The following PRR5L variants were observed in gnomAD, a reference collection of about 807,000 sequenced individuals.
The protein encoded by PRR5L is proline rich 5 like.
Under a neutral mutation model 36.4 loss-of-function variants are expected in PRR5L, and 21 were observed. The observed-to-expected ratio is 0.58, with a 90% CI of 0.41 to 0.83. PRR5L has a LOEUF of 0.83. PRR5L is among the 40% of genes least tolerant of loss of function. The probability of loss-of-function intolerance (pLI) is 0.00; values close to 1 mark genes in which losing one functional copy is unlikely to be tolerated. For synonymous variants in PRR5L, 188 were observed against 197.0 expected (o/e 0.95, Z 0.38); for missense variants, 381 against 473.3 (o/e 0.80, Z 1.81).
chr11:36,373,034 G>A (rs1223124388), intron 1 of PRR5L, among the ~76,000 whole-genome samples: 1 of 151,316 alleles, frequency 6.6e-6, no homozygotes, highest in Non-Finnish European at 1.5e-5. Flanking sequence ...TAATCTTACT[G>A]GTGAAGTGTA....
chr11:36,385,125 C>T (rs1474095161), intron 1 of PRR5L, among the ~76,000 whole-genome samples: 6 of 152,220 alleles, frequency 3.9e-5, no homozygotes, highest in Non-Finnish European at 8.8e-5. Flanking sequence ...TTTGACTACT[C>T]TTTCACTCAC....
Position 36,388,698 on chromosome 11 carries a change from C to CT in PRR5L, c.-125-12281dup, listed in dbSNP as rs36056659. On this transcript the variant is annotated intron_variant, in intron 1 of 8. Coordinates refer to ENST00000530639, the MANE Select transcript of PRR5L (RefSeq NM_001160167.2). ...TTCATTCAAGGTCGGCTCTTTCTTT[C>CT]TTTTTTTTTTTTTTTTTTGAGACGG... Among the ~76,000 whole-genome samples the CT allele has an allele frequency of 5.1e-3, 561 of 109,104 alleles. 4 individuals carry two copies. Among genetic ancestry groups the CT allele is most frequent in the African/African-American group, 0.011 (281 of 24,982 alleles). 71.6% of individuals were successfully genotyped at this position (109,104 alleles called of 152,430 possible). A position where few individuals can be genotyped will look rare whatever the true frequency, so the allele number is the denominator to read the frequency against.
intron 3 of PRR5L, among the ~76,000 whole-genome samples, chr11:36,417,590 CAG>C (rs1564942652): frequency 6.6e-6 from 1 of 152,236 alleles, no homozygotes; most frequent in Admixed American, 6.5e-5. Flanking sequence ...GCATCCACAA[CAG>C]ACAAATATTC....
At chr11:36,367,994 G>A (rs575969224) in intron 1 of PRR5L, among the ~76,000 whole-genome samples, 1 of 152,016 alleles carries the variant, frequency 6.6e-6, no homozygotes, top group East Asian at 1.9e-4. Context: ...GAGAATGACC[G>A]TGAAAGATGG....
At chr11:36,324,778 A>C (rs959301314) in intron 1 of PRR5L, among the ~76,000 whole-genome samples, 8 of 152,192 alleles carry the variant, frequency 5.3e-5, no homozygotes, top group African/African-American at 1.9e-4. Flanking sequence ...GTAGAAAATA[A>C]GTCATCTATA....
intron 1 of PRR5L, among the ~76,000 whole-genome samples, chr11:36,314,265 A>C (rs1352831313): frequency 6.6e-6 from 1 of 152,106 alleles, no homozygotes; most frequent in Non-Finnish European, 1.5e-5. Context: ...CTTGGATGGG[A>C]GGACAGCTGG....
intron 3 of PRR5L, among the ~76,000 whole-genome samples, chr11:36,415,144 G>A (rs1233572299): frequency 6.6e-6 from 1 of 152,030 alleles, no homozygotes; most frequent in East Asian, 1.9e-4. Context: ...GTCAGGTAGT[G>A]TGATGCCTCC....
At position 36,446,414 on chromosome 11, in the gene PRR5L, A is replaced by G. The variant is rs200287266; in HGVS notation, c.559A>G (p.Ile187Val). Residue 187 changes from isoleucine (I) to valine (V), a missense_variant, in exon 7 of 9, where the codon ATT (isoleucine) becomes GTT (valine). Transcript: ENST00000530639. ...LLAQSKLPSS[I>V]VQMLLILQSV... The stretch of plus-strand genomic sequence containing the variant: ...GGCCCAGTCCAAGCTGCCCTCGTCC[A>G]TTGTCCAGATGTTGCTCATCCTGCA... 36 of 1,614,004 alleles carry G rather than the reference A, an allele frequency of 2.2e-5. No homozygotes were observed. The highest frequency in any genetic ancestry group is 2.7e-5 in the Non-Finnish European group (32 of 1,180,042).
intron 1 of PRR5L, among the ~76,000 whole-genome samples, chr11:36,386,978 G>A (rs61878714): frequency 0.025 from 3,786 of 152,278 alleles, 74 homozygotes; most frequent in Non-Finnish European, 0.037. Context: ...ATCTGCTTGT[G>A]ACCTGGTTTC....
chr11:36,318,268 T>A (rs1369832230), intron 1 of PRR5L, among the ~76,000 whole-genome samples: 1 of 152,208 alleles, frequency 6.6e-6, no homozygotes, highest in Non-Finnish European at 1.5e-5. Context: ...TCAGGATGTG[T>A]CTCCATTGTT....
Position 36,300,094 on chromosome 11 carries a change from C to CT in PRR5L, c.-126+3666dup, listed in dbSNP as rs143276329. ...GAATAATGAAGTACAAGTGAAATAT[C>CT]TTTTTTTTTTGTAGAAATGCATAAA... On this transcript the variant is annotated intron_variant, in intron 1 of 8. Transcript: ENST00000530639. 3.9e-3 allele frequency among the ~76,000 whole-genome samples: 579 copies of CT among 149,118 alleles called. 3 individuals carry two copies. Among genetic ancestry groups the CT allele is most frequent in the African/African-American group, 0.013 (511 of 40,678 alleles).
intron 8 of PRR5L, among the ~76,000 whole-genome samples, chr11:36,458,899 G>C (rs770446017): frequency 6.6e-6 from 1 of 152,250 alleles, no homozygotes; most frequent in African/African-American, 2.4e-5. Context: ...CTGGCTGGCA[G>C]AGGGAACACC....
At chr11:36,329,715 C>T (rs1856699979) in intron 1 of PRR5L, among the ~76,000 whole-genome samples, 1 of 152,120 alleles carries the variant, frequency 6.6e-6, no homozygotes, top group African/African-American at 2.4e-5. Context: ...CATATTGGAC[C>T]TTTAAAAGCC....
intron 1 of PRR5L, chr11:36,349,746 C>T (rs1376901774): frequency 1.3e-5 from 2 of 152,230 alleles, no homozygotes; most frequent in Non-Finnish European, 2.9e-5. Context: ...GCTCTGCTGG[C>T]TGAGATGGGC....
At chr11:36,312,445 G>A (rs1453766745) in intron 1 of PRR5L, among the ~76,000 whole-genome samples, 1 of 152,226 alleles carries the variant, frequency 6.6e-6, no homozygotes, top group Non-Finnish European at 1.5e-5. Context: ...CTCAGCAGGT[G>A]TGCTTTACAC....
At chr11:36,388,909 T>C (rs559020826) in intron 1 of PRR5L, among the ~76,000 whole-genome samples, 9 of 152,044 alleles carry the variant, frequency 5.9e-5, no homozygotes, top group South Asian at 4.2e-4. Context: ...CCGTGTTAGC[T>C]AGGATGGTCT....
rs573312946 is a variant in PRR5L at position 36,332,338 on chromosome 11, T to A, written c.-126+35900T>A. Among the ~76,000 whole-genome samples the A allele has an allele frequency of 3.3e-5, 5 of 152,288 alleles. No homozygotes were observed. In the South Asian group the frequency reaches 1.0e-3, roughly 32 times the overall value. ...AGCAAAACTGTAGGTTTGCCATAGC[T>A]GAAGCTGCAGCTGTTGCCAGTTCTC... On this transcript the variant is annotated intron_variant, in intron 1 of 8. Coordinates refer to ENST00000530639, the MANE Select transcript of PRR5L (RefSeq NM_001160167.2).
intron 3 of PRR5L, among the ~76,000 whole-genome samples, chr11:36,417,900 AG>A (rs1045949834): frequency 1.3e-5 from 2 of 152,204 alleles, no homozygotes; most frequent in Admixed American, 1.3e-4. Flanking sequence ...GAAATCATGA[AG>A]GGTTTACTCA....
At chr11:36,448,613 G>A (rs1249968563) in intron 7 of PRR5L, among the ~76,000 whole-genome samples, 1 of 152,132 alleles carries the variant, frequency 6.6e-6, no homozygotes, top group Non-Finnish European at 1.5e-5. Context: ...ACTGTCCAGG[G>A]AATATAGCAC....
Sources: allele counts gnomAD v4.1 joint callset (sites outside exome capture counted in the v4.1 genomes callset), GRCh38; gene constraint gnomAD v4.1.1; transcripts MANE v1.5; gene names NCBI Gene and HGNC (gene_info 2026-07-23, HGNC 2026-07-21).